The following ZNF550 variants were observed in gnomAD, a reference collection of about 807,000 sequenced individuals.
The protein encoded by ZNF550 is zinc finger protein 550.
In ZNF550, 42 loss-of-function variants were observed where a neutral mutation model predicts 40.2. That is an observed-to-expected ratio of 1.05 (90% CI 0.82 to 1.35). The LOEUF (loss-of-function observed/expected upper bound fraction) is 1.35. ZNF550 is among the 40% of genes most tolerant of loss of function. The pLI, the probability that ZNF550 is intolerant of heterozygous loss-of-function variation, is 0.00. For synonymous variants in ZNF550, 223 were observed against 198.6 expected (o/e 1.12, Z -1.03); for missense variants, 549 against 525.2 (o/e 1.05, Z -0.44).
At chr19:57,558,696 A>C (rs10221464) in intron 1 of ZNF550, among the ~76,000 whole-genome samples, 16,860 of 152,234 alleles carry the variant, frequency 0.11, 1,045 homozygotes, top group East Asian at 0.26. Flanking sequence ...CTCTTTAAGC[A>C]GCGGACACCA....
chr19:57,550,687 A>C (rs952016706), intron 3 of ZNF550, among the ~76,000 whole-genome samples: 1 of 152,266 alleles, frequency 6.6e-6, no homozygotes, highest in Non-Finnish European at 1.5e-5. Flanking sequence ...GAGGTGCTGG[A>C]AATATTGTAA....
intron 4 of ZNF550, chr19:57,544,140 C>T (rs1431419464): frequency 2.0e-6 from 2 of 985,446 alleles, no homozygotes; most frequent in African/African-American, 3.5e-5. Context: ...GGGCAGGACC[C>T]ATAGCCCAGC....
chr19:57,558,766 A>G (rs2090144296), intron 1 of ZNF550, among the ~76,000 whole-genome samples: 1 of 152,180 alleles, frequency 6.6e-6, no homozygotes, highest in Non-Finnish European at 1.5e-5. Context: ...CAACTACGAC[A>G]GGAGCTGACA....
intron 2 of ZNF550, 156 bp downstream of exon 2, chr19:57,556,075 C>A (rs533178724): frequency 7.4e-6 from 7 of 946,026 alleles, no homozygotes; most frequent in South Asian, 1.5e-5. Context: ...ACATTTTCTA[C>A]CCCGACAATC....
At position 57,559,770 on chromosome 19, in the gene ZNF550, C is replaced by G. The variant is rs1270659662; in HGVS notation, c.-88G>C. On this transcript the variant is annotated 5_prime_UTR_variant, in exon 1 of 5. Transcript: ENST00000457177. ...GTCCTACAACGGTGCGGAGGTGAGC[C>G]CCAGTCGCCCTACCATCCTTCCCAG... is the stretch of plus-strand genomic sequence containing the variant. The G allele has an allele frequency of 5.8e-6, 7 of 1,204,200 alleles. No homozygotes were observed. In the African/African-American group the frequency reaches 1.1e-4, roughly 19 times the overall value. The allele number at this position is 1,204,200 out of a possible 1,614,324, so 74.6% of individuals were successfully genotyped here.
At chr19:57,543,468 A>G (rs1432153645) in intron 4 of ZNF550, 1 of 373,888 alleles carries the variant, frequency 2.7e-6, no homozygotes, top group East Asian at 1.6e-4. Flanking sequence ...GAGTTAATTT[A>G]CCGTCCACAT....
At chr19:57,543,304 G>T in intron 4 of ZNF550, 1 of 604,034 alleles carries the variant, frequency 1.7e-6, no homozygotes, top group Non-Finnish European at 2.1e-6. Flanking sequence ...TGAAGTTAAA[G>T]TGAACTCTGA....
At chr19:57,556,669 A>G (rs1002661334) in intron 1 of ZNF550, 3 of 259,648 alleles carry the variant, frequency 1.2e-5, no homozygotes, top group Non-Finnish European at 2.2e-5. Flanking sequence ...AATGACTGAT[A>G]CTAATCCAAC....
chr19:57,544,500 C>G (rs2089990662), intron 4 of ZNF550: 1 of 985,262 alleles, frequency 1.0e-6, no homozygotes, highest in Admixed American at 6.2e-5. Context: ...ATACATGCAG[C>G]CTTCCAGAGA....
chr19:57,546,987 C>G, exon 4 of ZNF550: 2 of 1,610,890 alleles, frequency 1.2e-6, no homozygotes, highest in Non-Finnish European at 8.5e-7. Context: ...ATGTATGGAC[C>G]CTTTGGTGCT....
intron 2 of ZNF550, chr19:57,553,000 G>A (rs2090087003): frequency 6.3e-6 from 2 of 319,328 alleles, no homozygotes; most frequent in South Asian, 1.7e-4. Context: ...CAAGGGTGGA[G>A]CCTTAATCTG....
upstream of ZNF550, chr19:57,559,873 T>A: frequency 2.2e-6 from 1 of 456,886 alleles, no homozygotes; most frequent in Non-Finnish European, 3.7e-6. Context: ...CGCCCCTGTG[T>A]CGCGGTCGCC....
intron 3 of ZNF550, among the ~76,000 whole-genome samples, chr19:57,550,944 G>A (rs1056321459): frequency 2.0e-5 from 3 of 152,130 alleles, no homozygotes; most frequent in East Asian, 1.9e-4. Flanking sequence ...GTCTGTTTTC[G>A]CCAAGTGTAA....
Position 57,556,271 on chromosome 19 carries a change from T to G in ZNF550, c.114A>C (p.Arg38=), listed in dbSNP as rs768986470. ...GCCCACAGGTCTCCAGCATCACCTC[T>G]CGGTACAGGGTCCTCTGGGCCAGGT... The change falls in exon 2 of 5, where the codon CGA becomes CGC. Residue 38 remains arginine (R), a synonymous_variant. Transcript: ENST00000457177. 7 of 1,613,968 alleles carry G rather than the reference T, an allele frequency of 4.3e-6. No homozygotes were observed. In the South Asian group the frequency reaches 7.7e-5, roughly 18 times the overall value.
exon 4 of ZNF550, chr19:57,546,657 T>C (rs932525546): frequency 5.5e-6 from 6 of 1,097,284 alleles, no homozygotes; most frequent in Non-Finnish European, 6.7e-6. Context: ...AATAGTTATA[T>C]TTGGAATGTC....
At chr19:57,546,778 A>AT (rs1324776867) in exon 4 of ZNF550, 4 of 1,369,232 alleles carry the variant, frequency 2.9e-6, no homozygotes, top group Non-Finnish European at 3.8e-6. Context: ...GGATCCTTAC[A>AT]TTCACTGTAT....
At chr19:57,557,120 C>T (rs776740356) in intron 1 of ZNF550, 8 of 151,828 alleles carry the variant, frequency 5.3e-5, no homozygotes, top group Non-Finnish European at 7.4e-5. Flanking sequence ...TCCCTCAGCC[C>T]GACACCCATA....
At chr19:57,543,724 T>A (rs925923492) in intron 4 of ZNF550, 3 of 611,930 alleles carry the variant, frequency 4.9e-6, no homozygotes, top group Non-Finnish European at 4.1e-6. Context: ...CTACATGAGG[T>A]CAAGAGTTCA....
chr19:57,553,809 C>A (rs2090095760), intron 2 of ZNF550: 1 of 152,178 alleles, frequency 6.6e-6, no homozygotes. Flanking sequence ...AACAAAATTT[C>A]TTCGTGTGAG....
Sources: gnomAD v4.1 joint callset for allele counts (sites outside exome capture counted in the v4.1 genomes callset) on GRCh38, gnomAD v4.1.1 for gene constraint, MANE v1.5 for transcripts, NCBI Gene and HGNC (gene_info 2026-07-23, HGNC 2026-07-21) for gene names.